The following KDM5B variants were observed in gnomAD, a reference collection of about 807,000 sequenced individuals.
KDM5B encodes lysine-specific demethylase 5B.
A neutral mutation model predicts 193.4 loss-of-function variants in KDM5B; 144 were observed. The ratio of observed to expected loss-of-function variants is 0.74; its 90% confidence interval spans 0.65 to 0.86. The LOEUF is 0.86. KDM5B is among the 40% of genes least tolerant of loss of function. KDM5B has a pLI of 0.00. For missense variants in KDM5B, 1,833 were observed against 1,886.9 expected (o/e 0.97, Z 0.53); for synonymous variants, 668 against 682.6 (o/e 0.98, Z 0.33).
rs114223959 is a variant in KDM5B at position 202,803,243 on chromosome 1, T to C, written c.204+4859A>G. On this transcript the variant is annotated intron_variant, in intron 1 of 26. Coordinates refer to ENST00000367265, the MANE Select transcript of KDM5B (RefSeq NM_006618.5). ...GTAATTCTCTACTCATTTCGCTCTT[T>C]TAAAAGTTTAGATTGCATGTTTAAA... Among the ~76,000 whole-genome samples, 980 of 152,330 alleles carry C rather than the reference T, an allele frequency of 6.4e-3. 5 individuals carry two copies. Among genetic ancestry groups the C allele is most frequent in the South Asian group, 0.019 (92 of 4,818 alleles).
chr1:202,742,843 TTA>T (rs1655402837), intron 16 of KDM5B, 38 bp from the exon 17 acceptor site: 4 of 1,567,994 alleles, frequency 2.6e-6, no homozygotes, highest in Non-Finnish European at 3.5e-6. Context: ...TCTGTAATCA[TTA>T]TGTTTATTAC....
At chr1:202,755,213 G>C (rs1655959250) in intron 11 of KDM5B, 58 bp downstream of exon 11, 1 of 1,382,892 alleles carries the variant, frequency 7.2e-7, no homozygotes, top group African/African-American at 1.4e-5. Context: ...GCACTGAAAA[G>C]GAAAGTTTTC....
In KDM5B at chr1:202,748,973, T is replaced by G. The variant is rs1490307358; in HGVS notation, c.1988A>C (p.Lys663Thr). ...TTTACGGACAGTTTCTCTTAAAGCTTTCTCATCCTCAATCATAATGGCCAT... is the reference window on the plus strand; with the variant it reads ...TTTACGGACAGTTTCTCTTAAAGCTGTCTCATCCTCAATCATAATGGCCAT... ...KDMAIMIEDE[K>T]ALRETVRKLG... Residue 663 changes from lysine (K) to threonine (T), a missense_variant, in exon 14 of 27, where the codon AAA becomes ACA. Coordinates refer to ENST00000367265, the MANE Select transcript of KDM5B (RefSeq NM_006618.5). The G allele has an allele frequency of 6.2e-7, 1 of 1,612,570 alleles. No homozygotes were observed. Among genetic ancestry groups the G allele is most frequent in the South Asian group, 1.1e-5 (1 of 90,634 alleles).
intron 14 of KDM5B, among the ~76,000 whole-genome samples, chr1:202,747,737 G>C (rs1655617664): frequency 6.6e-6 from 1 of 151,926 alleles, no homozygotes; most frequent in East Asian, 1.9e-4. Flanking sequence ...TAGAAATTCA[G>C]TTTTTAAAAG....
At chr1:202,765,288 G>T (rs968245321) in intron 5 of KDM5B, among the ~76,000 whole-genome samples, 1 of 152,046 alleles carries the variant, frequency 6.6e-6, no homozygotes, top group African/African-American at 2.4e-5. Flanking sequence ...CCTCATTGAG[G>T]GTATAGAAGC....
intron 1 of KDM5B, among the ~76,000 whole-genome samples, chr1:202,785,819 G>C (rs898943329): frequency 2.0e-5 from 3 of 150,970 alleles, no homozygotes; most frequent in African/African-American, 7.3e-5. Flanking sequence ...CAGAGCACGA[G>C]AATTGCTTGA....
intron 1 of KDM5B, among the ~76,000 whole-genome samples, chr1:202,791,287 G>C (rs902520337): frequency 6.6e-6 from 1 of 152,114 alleles, no homozygotes; most frequent in Non-Finnish European, 1.5e-5. Flanking sequence ...TGGCTGCCTG[G>C]TATCAATGGG....
intron 9 of KDM5B, among the ~76,000 whole-genome samples, chr1:202,757,968 A>T (rs1656084456): frequency 6.6e-6 from 1 of 152,212 alleles, no homozygotes; most frequent in Admixed American, 6.5e-5. Context: ...AAGGGGAATT[A>T]AAAATGGACT....
intron 24 of KDM5B, 48 bp downstream of exon 24, chr1:202,731,780 A>G (rs771747582): frequency 1.6e-6 from 2 of 1,264,834 alleles, no homozygotes; most frequent in East Asian, 2.3e-5. Context: ...TAGTAATACA[A>G]GATCACTCAT....
intron 7 of KDM5B, among the ~76,000 whole-genome samples, chr1:202,761,629 C>T (rs1013943536): frequency 6.6e-6 from 1 of 152,084 alleles, no homozygotes; most frequent in Non-Finnish European, 1.5e-5. Context: ...AGGTAATCAT[C>T]CAATATGACT....
chr1:202,793,755 C>G (rs1657732284), intron 1 of KDM5B, among the ~76,000 whole-genome samples: 1 of 152,094 alleles, frequency 6.6e-6, no homozygotes, highest in Non-Finnish European at 1.5e-5. Flanking sequence ...AAACTTTGTT[C>G]TTGTCAAAAA....
At position 202,798,219 on chromosome 1, in the gene KDM5B, G is replaced by A. The variant is rs1012857964; in HGVS notation, c.204+9883C>T. Reference sequence around the variant, plus strand: ...TGTCTCAAAAAAAATAAAGATTCAGGGACAGAAAAGCTTTGTCTAAACCAA... The same window carrying A: ...TGTCTCAAAAAAAATAAAGATTCAGAGACAGAAAAGCTTTGTCTAAACCAA... On this transcript the variant is annotated intron_variant, in intron 1 of 26. Coordinates refer to ENST00000367265, the MANE Select transcript of KDM5B (RefSeq NM_006618.5). Among the ~76,000 whole-genome samples the A allele has an allele frequency of 3.0e-4, 46 of 151,828 alleles. 1 individual carries two copies. Among genetic ancestry groups the A allele is most frequent in the African/African-American group, 9.7e-4 (40 of 41,408 alleles).
intron 16 of KDM5B, among the ~76,000 whole-genome samples, chr1:202,744,550 T>G (rs1208240336): frequency 6.6e-6 from 1 of 152,086 alleles, no homozygotes; most frequent in African/African-American, 2.4e-5. Flanking sequence ...AGAGCAAGAC[T>G]CCGTCTCAAA....
At chr1:202,771,461 G>T (rs1454484336) in intron 4 of KDM5B, among the ~76,000 whole-genome samples, 1 of 149,782 alleles carries the variant, frequency 6.7e-6, no homozygotes, top group Non-Finnish European at 1.5e-5. Context: ...GCCAGATCTC[G>T]AACTCCTGAC....
At chr1:202,732,438 T>C in intron 23 of KDM5B, among the ~76,000 whole-genome samples, 1 of 152,178 alleles carries the variant, frequency 6.6e-6, no homozygotes, top group East Asian at 1.9e-4. Flanking sequence ...TTCCCTTTAC[T>C]AAGAAAGGTA....
At chr1:202,752,449 AC>A (rs60484824) in intron 12 of KDM5B, among the ~76,000 whole-genome samples, 8,980 of 152,260 alleles carry the variant, frequency 0.059, 450 homozygotes, top group East Asian at 0.24. Context: ...TTGTGTAAGT[AC>A]ACTCCATGAA....
At chr1:202,762,256 C>T (rs1656281061) in intron 7 of KDM5B, among the ~76,000 whole-genome samples, 1 of 151,764 alleles carries the variant, frequency 6.6e-6, no homozygotes, top group African/African-American at 2.4e-5. Context: ...CTTCCTCTTC[C>T]TTCTTCCTTT....
At position 202,733,665 on chromosome 1, in the gene KDM5B, G is replaced by C; in HGVS notation, c.3645C>G (p.Ile1215Met). The C allele has an allele frequency of 6.2e-7, 1 of 1,614,178 alleles. No individual in the cohort carries two copies. Among genetic ancestry groups the C allele is most frequent in the South Asian group, 1.1e-5 (1 of 91,086 alleles). The change falls in exon 23 of 27, where the codon ATC (isoleucine) becomes ATG (methionine). Residue 1215 changes from isoleucine (I) to methionine (M), a missense_variant. Physicochemically the swap from Ile to Met is conservative, Grantham distance 10 (BLOSUM62 1). Transcript: ENST00000367265. ...AVPSISQGLRIWLCPHCRRSE... is the reference protein window; with the variant it reads ...AVPSISQGLRMWLCPHCRRSE... Reference sequence around the variant, plus strand: ...ACCTCCGACAATGGGGACAAAGCCAGATTCGCAGGCCCTGTGAAATACTGG... The same window carrying C: ...ACCTCCGACAATGGGGACAAAGCCACATTCGCAGGCCCTGTGAAATACTGG...
intron 5 of KDM5B, 23 bp downstream of exon 5, chr1:202,766,903 A>G (rs1311948663): frequency 1.9e-6 from 3 of 1,557,602 alleles, no homozygotes; most frequent in Non-Finnish European, 2.6e-6. Flanking sequence ...ATTCCTTTTA[A>G]ATTAACCTCA....
Sources: allele counts gnomAD v4.1 joint callset (sites outside exome capture counted in the v4.1 genomes callset), GRCh38; gene constraint gnomAD v4.1.1; transcripts MANE v1.5; gene names NCBI Gene and HGNC (gene_info 2026-07-23, HGNC 2026-07-21).